NR2F1-AS1: variants seen among roughly 807,000 people sequenced by gnomAD.
NR2F1-AS1 encodes the protein NR2F1 antisense RNA 1.
chr5:93,474,756 G>A (rs1281144465), intron 4 of NR2F1-AS1, among the ~76,000 whole-genome samples: 2 of 152,144 alleles, frequency 1.3e-5, no homozygotes, highest in Admixed American at 6.5e-5. Flanking sequence ...ACCTGCTAAA[G>A]GCCAAGCCAA....
At chr5:93,569,681 G>A (rs17083227) in intron 1 of NR2F1-AS1, among the ~76,000 whole-genome samples, 1,872 of 152,296 alleles carry the variant, frequency 0.012, 49 homozygotes, top group African/African-American at 0.043. Context: ...TTTCCACAGT[G>A]TAACCAAATG....
chr5:93,567,444 C>T (rs1233021003), intron 1 of NR2F1-AS1, among the ~76,000 whole-genome samples: 4 of 152,102 alleles, frequency 2.6e-5, no homozygotes, highest in Non-Finnish European at 5.9e-5. Flanking sequence ...TTTCCTAGGA[C>T]TCTTAGTTTC....
chr5:93,450,478 C>T (rs994331875), intron 4 of NR2F1-AS1, among the ~76,000 whole-genome samples: 4 of 152,276 alleles, frequency 2.6e-5, no homozygotes, highest in East Asian at 1.9e-4. Flanking sequence ...TGACTCTACT[C>T]TAAGCAAAAT....
intron 1 of NR2F1-AS1, among the ~76,000 whole-genome samples, chr5:93,566,478 C>G (rs1752620819): frequency 6.6e-6 from 1 of 151,994 alleles, no homozygotes; most frequent in Non-Finnish European, 1.5e-5. Context: ...GTATAACCAG[C>G]CTATTTCACA....
upstream of NR2F1-AS1, chr5:93,585,390 C>G (rs1258374008): frequency 6.2e-7 from 1 of 1,614,092 alleles, no homozygotes; most frequent in Non-Finnish European, 8.5e-7. Flanking sequence ...TTACACATGC[C>G]GTGCCAACAG....
chr5:93,446,718 G>A (rs1749717022), intron 4 of NR2F1-AS1, among the ~76,000 whole-genome samples: 1 of 152,038 alleles, frequency 6.6e-6, no homozygotes, highest in Non-Finnish European at 1.5e-5. Flanking sequence ...AGTTTATATG[G>A]AACCAAAAAA....
intron 4 of NR2F1-AS1, among the ~76,000 whole-genome samples, chr5:93,460,917 C>T (rs2149863214): frequency 6.6e-6 from 1 of 152,346 alleles, no homozygotes. Context: ...CTGTGGAAGA[C>T]AGTGTGGCAA....
chr5:93,412,510 A>G (rs1580201644), intron 4 of NR2F1-AS1, among the ~76,000 whole-genome samples: 1 of 152,334 alleles, frequency 6.6e-6, no homozygotes, highest in East Asian at 1.9e-4. Flanking sequence ...ATATTTGACC[A>G]CAAATGCATT....
At chr5:93,478,867 A>G (rs1395416641) in intron 4 of NR2F1-AS1, among the ~76,000 whole-genome samples, 1 of 152,166 alleles carries the variant, frequency 6.6e-6, no homozygotes, top group Non-Finnish European at 1.5e-5. Context: ...CTCCCATTCA[A>G]TTACCAATGA....
At position 93,579,471 on chromosome 5, in the gene NR2F1-AS1, G is replaced by A. The variant is rs570263466; in HGVS notation, n.313+996C>T. Among the ~76,000 whole-genome samples the A allele has an allele frequency of 1.3e-5, 2 of 152,268 alleles. No individual in the cohort carries two copies. Among genetic ancestry groups the A allele is most frequent in the Admixed American group, 1.3e-4 (2 of 15,310 alleles). ...GGGGGCACGGAGAGCCCACAGTAAGGATGGGTGGGCGCCTCTGCTCCCGGG... is the reference window on the plus strand; with the variant it reads ...GGGGGCACGGAGAGCCCACAGTAAGAATGGGTGGGCGCCTCTGCTCCCGGG... On this transcript the variant is annotated intron_variant and non_coding_transcript_variant, in intron 1 of 5. Coordinates refer to ENST00000660523, the Ensembl canonical transcript of NR2F1-AS1. The surrounding 1 kb of genome is among the most constrained non-coding windows in gnomAD (Gnocchi z 5.1).
chr5:93,456,906 G>A (rs764075667), intron 4 of NR2F1-AS1, among the ~76,000 whole-genome samples: 3 of 152,090 alleles, frequency 2.0e-5, no homozygotes, highest in Non-Finnish European at 2.9e-5. Context: ...AAAGAAAAAG[G>A]TGCTGTGCTT....
intron 4 of NR2F1-AS1, among the ~76,000 whole-genome samples, chr5:93,417,481 C>G (rs1370990043): frequency 1.3e-5 from 2 of 152,208 alleles, no homozygotes; most frequent in Non-Finnish European, 2.9e-5. Context: ...ACATAACAAC[C>G]AATTCAATCT....
intron 4 of NR2F1-AS1, among the ~76,000 whole-genome samples, chr5:93,452,010 G>T (rs776472741): frequency 6.6e-6 from 1 of 151,980 alleles, no homozygotes; most frequent in Non-Finnish European, 1.5e-5. Flanking sequence ...AATTAATTTA[G>T]AATTATCTAA....
At chr5:93,530,381 A>T (rs891706327) in intron 4 of NR2F1-AS1, among the ~76,000 whole-genome samples, 2 of 152,056 alleles carry the variant, frequency 1.3e-5, no homozygotes, top group African/African-American at 4.8e-5. Context: ...GCTTTTATAT[A>T]TTCATTCTAG....
intron 4 of NR2F1-AS1, among the ~76,000 whole-genome samples, chr5:93,457,014 T>C (rs1233630606): frequency 6.6e-6 from 1 of 152,244 alleles, no homozygotes; most frequent in African/African-American, 2.4e-5. Flanking sequence ...GGTTTTCTCC[T>C]ATCTCCAGTA....
At chr5:93,482,461 A>G (rs1008092958) in intron 4 of NR2F1-AS1, among the ~76,000 whole-genome samples, 3 of 152,160 alleles carry the variant, frequency 2.0e-5, no homozygotes, top group Admixed American at 6.5e-5. Flanking sequence ...CCCACAGACC[A>G]GGAGATTCCC....
intron 4 of NR2F1-AS1, among the ~76,000 whole-genome samples, chr5:93,467,710 G>T (rs1353701576): frequency 6.6e-6 from 1 of 152,104 alleles, no homozygotes. Context: ...AAGTTCTAGG[G>T]TACATGTGTA....
chr5:93,547,588 G>C (rs938194532), intron 4 of NR2F1-AS1, among the ~76,000 whole-genome samples: 1 of 152,122 alleles, frequency 6.6e-6, no homozygotes, highest in Non-Finnish European at 1.5e-5. Flanking sequence ...CTATTTTAGT[G>C]CTTATGTAAT....
intron 4 of NR2F1-AS1, among the ~76,000 whole-genome samples, chr5:93,507,646 C>G (rs1248418723): frequency 6.6e-6 from 1 of 152,108 alleles, no homozygotes. Context: ...GCATGAAACA[C>G]CATGCCCAGC....
Sources: allele counts gnomAD v4.1 joint callset (sites outside exome capture counted in the v4.1 genomes callset), GRCh38; gene constraint gnomAD v4.1.1; non-coding constraint Gnocchi (gnomAD v3.1); transcripts MANE v1.5; gene names NCBI Gene and HGNC (gene_info 2026-07-23, HGNC 2026-07-21).